PPFIA2: variants seen among roughly 807,000 people sequenced by gnomAD.
The protein encoded by PPFIA2 is liprin-alpha-2.
PPFIA2 carries 46 observed loss-of-function variants against 175.5 expected under a neutral mutation model. The observed-to-expected ratio is 0.26, with a 90% CI of 0.21 to 0.34. PPFIA2 has a LOEUF of 0.34. PPFIA2 is among the 10% of genes least tolerant of loss of function. The pLI is 1.00. For missense variants in PPFIA2, 1,179 were observed against 1,506.1 expected, an observed-to-expected ratio of 0.78 and a Z score of 3.60; for synonymous variants, 568 against 511.4, an observed-to-expected ratio of 1.11 and a Z score of -1.49.
chr12:81,429,045 C>T (rs1015065825), intron 7 of PPFIA2, among the ~76,000 whole-genome samples: 10 of 151,844 alleles, frequency 6.6e-5, no homozygotes, highest in Non-Finnish European at 1.2e-4. Context: ...ACTTTCTGTT[C>T]GAATGTTAAC....
chr12:81,383,876 G>A, intron 9 of PPFIA2, 147 bp downstream of exon 9: 1 of 611,920 alleles, frequency 1.6e-6, no homozygotes, highest in Non-Finnish European at 2.7e-6. Context: ...TTGCGCTATT[G>A]AACAAGTTTC....
intron 2 of PPFIA2, among the ~76,000 whole-genome samples, chr12:81,754,679 G>A (rs17691694): frequency 0.054 from 8,155 of 152,244 alleles, 278 homozygotes; most frequent in Middle Eastern, 0.085. Flanking sequence ...CGGGTAGGAA[G>A]TAAATGACTT....
intron 4 of PPFIA2, among the ~76,000 whole-genome samples, chr12:81,624,609 T>C (rs998050512): frequency 6.8e-6 from 1 of 146,324 alleles, no homozygotes; most frequent in East Asian, 1.9e-4. Context: ...TTAATGATAA[T>C]ATATAATTAT....
In PPFIA2 at chr12:81,308,326, T is replaced by C. The variant is rs150794605; in HGVS notation, c.2643-8944A>G. Among the ~76,000 whole-genome samples the C allele has an allele frequency of 4.2e-3, 647 of 152,306 alleles. 3 individuals are homozygous for C. The highest frequency in any genetic ancestry group is 0.015 in the African/African-American group (618 of 41,562). ...CTATGAAGCACTATCCTAAGTGTTT[T>C]TATGTGTATTAATTCATTTAATTTT... On this transcript the variant is annotated intron_variant, in intron 22 of 32. Coordinates refer to ENST00000549396, the MANE Select transcript of PPFIA2 (RefSeq NM_003625.5).
chr12:81,616,467 G>T (rs951400188), intron 4 of PPFIA2, among the ~76,000 whole-genome samples: 2 of 152,108 alleles, frequency 1.3e-5, no homozygotes, highest in Non-Finnish European at 2.9e-5. Context: ...CTTAGAGAGA[G>T]AATGATCCCA....
At chr12:81,651,059 G>C (rs2066947846) in intron 4 of PPFIA2, among the ~76,000 whole-genome samples, 1 of 152,146 alleles carries the variant, frequency 6.6e-6, no homozygotes, top group African/African-American at 2.4e-5. Context: ...AAAATGGAGG[G>C]AATCATAGTT....
At chr12:81,281,208 T>C (rs370684318) in intron 27 of PPFIA2, 49 bp downstream of exon 27, 107 of 1,371,022 alleles carry the variant, frequency 7.8e-5, no homozygotes, top group Non-Finnish European at 1.0e-4. Flanking sequence ...AGGTAATATA[T>C]TGTTTCATTT....
intron 7 of PPFIA2, among the ~76,000 whole-genome samples, chr12:81,428,134 T>C (rs143886428): frequency 1.2e-4 from 19 of 152,018 alleles, no homozygotes; most frequent in African/African-American, 4.3e-4. Flanking sequence ...ATGATCAAAG[T>C]ATTAATATCA....
chr12:81,738,025 G>GA (rs2081849586), intron 3 of PPFIA2, among the ~76,000 whole-genome samples: 1 of 147,014 alleles, frequency 6.8e-6, no homozygotes, highest in Non-Finnish European at 1.5e-5. Context: ...ACACTAAGAA[G>GA]AAAAAAAGGA....
intron 4 of PPFIA2, among the ~76,000 whole-genome samples, chr12:81,506,403 A>G (rs2061174810): frequency 1.3e-5 from 2 of 152,184 alleles, no homozygotes; most frequent in African/African-American, 4.8e-5. Context: ...ACTCTAACTT[A>G]ACACTGCCAC....
chr12:81,658,878 A>G (rs1567750240), intron 4 of PPFIA2, among the ~76,000 whole-genome samples: 1 of 152,170 alleles, frequency 6.6e-6, no homozygotes, highest in Admixed American at 6.5e-5. Context: ...ATTTTTGACA[A>G]AACTATGGAA....
In PPFIA2 at chr12:81,749,389, T is replaced by C. The variant is rs1039632544; in HGVS notation, c.249+4584A>G. On this transcript the variant is annotated intron_variant, in intron 3 of 32. Transcript: ENST00000549396. ...TTTTTCCCCATCCCCTTTACAAACA[T>C]ATGTAGCTATTTAATAATGCACAGT... Among the ~76,000 whole-genome samples the C allele has an allele frequency of 7.0e-5, 10 of 143,682 alleles. 2 individuals are homozygous for C. The highest frequency in any genetic ancestry group is 2.1e-4 in the East Asian group (1 of 4,706). 94.3% of individuals were successfully genotyped at this position (143,682 alleles called of 152,430 possible). A position where few individuals can be genotyped will look rare whatever the true frequency, so the allele number is the denominator to read the frequency against.
At chr12:81,536,580 C>G (rs1223818839) in intron 4 of PPFIA2, among the ~76,000 whole-genome samples, 1 of 150,056 alleles carries the variant, frequency 6.7e-6, no homozygotes, top group Non-Finnish European at 1.5e-5. Context: ...TATTCAATTT[C>G]CCAAAGGGAA....
At chr12:81,563,854 T>C (rs1245869654) in intron 4 of PPFIA2, among the ~76,000 whole-genome samples, 1 of 152,176 alleles carries the variant, frequency 6.6e-6, no homozygotes, top group East Asian at 1.9e-4. Flanking sequence ...GTCCCAGCAT[T>C]TGTGAGGGGA....
At chr12:81,569,494 G>T (rs1199539866) in intron 4 of PPFIA2, among the ~76,000 whole-genome samples, 4 of 152,112 alleles carry the variant, frequency 2.6e-5, no homozygotes, top group Non-Finnish European at 4.4e-5. Context: ...GAATCCTATG[G>T]TTCAGAGAAA....
At chr12:81,476,077 T>C (rs923483867) in intron 4 of PPFIA2, among the ~76,000 whole-genome samples, 1 of 152,256 alleles carries the variant, frequency 6.6e-6, no homozygotes, top group Non-Finnish European at 1.5e-5. Context: ...AGTCTATGTC[T>C]TTCAGAGTGA....
At chr12:81,686,664 C>T (rs1411065154) in intron 3 of PPFIA2, among the ~76,000 whole-genome samples, 3 of 152,028 alleles carry the variant, frequency 2.0e-5, no homozygotes, top group African/African-American at 4.8e-5. Flanking sequence ...CATGGCCAAC[C>T]GCCAATTTCC....
At chr12:81,396,103 T>A (rs2041085627) in intron 8 of PPFIA2, among the ~76,000 whole-genome samples, 1 of 152,068 alleles carries the variant, frequency 6.6e-6, no homozygotes, top group South Asian at 2.1e-4. Context: ...AAATGGAATT[T>A]GAAAAGTTGA....
At chr12:81,341,293 C>T in intron 19 of PPFIA2, 85 bp from the exon 20 acceptor site, 1 of 1,335,050 alleles carries the variant, frequency 7.5e-7, no homozygotes, top group South Asian at 1.5e-5. Flanking sequence ...GAGAACAAGG[C>T]TGTCGAGTAA....
Sources: allele counts gnomAD v4.1 joint callset (sites outside exome capture counted in the v4.1 genomes callset), GRCh38; gene constraint gnomAD v4.1.1; transcripts MANE v1.5; gene names NCBI Gene and HGNC (gene_info 2026-07-23, HGNC 2026-07-21).